The following HIVEP2 variants were observed in gnomAD, a reference collection of about 807,000 sequenced individuals.
HIVEP2 encodes the protein transcription factor HIVEP2.
HIVEP2 carries 14 observed loss-of-function variants against 180.7 expected under a neutral mutation model. That is an observed-to-expected ratio of 0.08 (90% CI 0.05 to 0.12). The LOEUF is 0.12. Among genes scored for constraint, HIVEP2 ranks in the 10% least tolerant of loss-of-function variants. The probability of loss-of-function intolerance (pLI) is 1.00; values close to 1 mark genes in which losing one functional copy is unlikely to be tolerated. For synonymous variants in HIVEP2, 1,184 were observed against 1,136.4 expected (o/e 1.04, Z -0.84); for missense variants, 2,579 against 3,008.5 (o/e 0.86, Z 3.34).
At chr6:142,850,556 T>C (rs1187773148) in intron 1 of HIVEP2, among the ~76,000 whole-genome samples, 3 of 152,198 alleles carry the variant, frequency 2.0e-5, no homozygotes, top group Admixed American at 6.5e-5. Context: ...GTGAAACAGA[T>C]TTAAAATCAA....
In HIVEP2 at chr6:142,774,651, G is replaced by T; in HGVS notation, c.88C>A (p.Gln30Lys). ...GTGCTCATCTTAATAACAGCTGATT[G>T]TTCCTGTCTCCATCTACCTGATGCT... ...DKASGRWRQE[Q>K]SAVIKMSTFG... Residue 30 changes from glutamine to lysine, a missense_variant, in exon 5 of 10, where the codon CAA (glutamine) becomes AAA (lysine). By Grantham distance (53) the Gln-to-Lys change is moderately conservative. Coordinates refer to ENST00000367603, the MANE Select transcript of HIVEP2 (RefSeq NM_006734.4). The surrounding 1 kb of genome is among the most constrained non-coding windows in gnomAD (Gnocchi z 5.1). The T allele has an allele frequency of 6.2e-7, 1 of 1,614,194 alleles. No individual in the cohort carries two copies. Among genetic ancestry groups the T allele is most frequent in the Non-Finnish European group, 8.5e-7 (1 of 1,180,036 alleles).
intron 2 of HIVEP2, among the ~76,000 whole-genome samples, chr6:142,787,471 TA>T (rs1317766784): frequency 6.7e-6 from 1 of 148,634 alleles, no homozygotes; most frequent in Non-Finnish European, 1.5e-5. Context: ...AAGTAGTGAC[TA>T]AAGATGGGAG....
chr6:142,936,242 G>C (rs1444703411), intron 1 of HIVEP2, among the ~76,000 whole-genome samples: 1 of 151,622 alleles, frequency 6.6e-6, no homozygotes, highest in Non-Finnish European at 1.5e-5. Flanking sequence ...AGACAGGCTG[G>C]AGTGCGGTGG....
Position 142,830,861 on chromosome 6 carries a change from C to A in HIVEP2, c.-528+6074G>T, listed in dbSNP as rs577571740. ...ACCCACCCCCAGAATGCATGCACAT[C>A]CACACAAGCTCACCCTAGACCCAAT... On this transcript the variant is annotated intron_variant, in intron 2 of 9. Transcript: ENST00000367603. Among the ~76,000 whole-genome samples, 10 of 152,110 alleles carry A rather than the reference C, an allele frequency of 6.6e-5. 1 individual carries two copies. The highest frequency in any genetic ancestry group is 1.3e-4 in the Non-Finnish European group (9 of 68,008).
intron 1 of HIVEP2, among the ~76,000 whole-genome samples, chr6:142,849,381 T>C (rs1775591796): frequency 6.6e-6 from 1 of 152,164 alleles, no homozygotes; most frequent in Non-Finnish European, 1.5e-5. Flanking sequence ...TGAGGTGCCT[T>C]AGAAACAACT....
chr6:142,857,066 T>C (rs1288836052), intron 1 of HIVEP2, among the ~76,000 whole-genome samples: 1 of 152,168 alleles, frequency 6.6e-6, no homozygotes, highest in Non-Finnish European at 1.5e-5. Context: ...GATAGTGCAT[T>C]TGTGAGACTC....
At position 142,921,596 on chromosome 6, in the gene HIVEP2, T is replaced by A. The variant is rs139659846; in HGVS notation, c.-641+23503A>T. 2.6e-4 allele frequency among the ~76,000 whole-genome samples: 39 copies of A among 152,374 alleles called. No individual in the cohort carries two copies. In the East Asian group the frequency reaches 5.6e-3, roughly 22 times the overall value. On this transcript the variant is annotated intron_variant, in intron 1 of 9. Transcript: ENST00000367603. ...AAAGTGTCTGATGTTCAGTTTTTTT[T>A]AATTATCATTATGAACTAAAAATCC... is the stretch of plus-strand genomic sequence containing the variant.
chr6:142,848,600 G>A (rs1775573470), intron 1 of HIVEP2, among the ~76,000 whole-genome samples: 1 of 152,080 alleles, frequency 6.6e-6, no homozygotes, highest in Non-Finnish European at 1.5e-5. Context: ...TGGTGCACCT[G>A]CAGTCCCAGA....
chr6:142,762,973 T>A (rs74489469), intron 7 of HIVEP2, among the ~76,000 whole-genome samples: 1 of 152,128 alleles, frequency 6.6e-6, no homozygotes, highest in Non-Finnish European at 1.5e-5. Flanking sequence ...ATTAATGAAA[T>A]GTATCTACAA....
intron 2 of HIVEP2, among the ~76,000 whole-genome samples, chr6:142,796,368 C>G (rs1776278913): frequency 6.6e-6 from 1 of 152,146 alleles, no homozygotes; most frequent in African/African-American, 2.4e-5. Flanking sequence ...TAATAAACTA[C>G]TGTTGAACAG....
intron 1 of HIVEP2, among the ~76,000 whole-genome samples, chr6:142,933,004 T>A (rs1777976738): frequency 6.6e-6 from 1 of 152,182 alleles, no homozygotes; most frequent in Non-Finnish European, 1.5e-5. Context: ...AAATAAGGCA[T>A]CATTGCAGTA....
intron 2 of HIVEP2, among the ~76,000 whole-genome samples, chr6:142,797,869 G>A (rs1172269556): frequency 6.6e-6 from 1 of 151,798 alleles, no homozygotes; most frequent in Non-Finnish European, 1.5e-5. Context: ...TTCAATTGGG[G>A]GTCTTGGAAT....
intron 3 of HIVEP2, among the ~76,000 whole-genome samples, chr6:142,779,914 A>G (rs914920399): frequency 2.0e-5 from 3 of 152,250 alleles, no homozygotes; most frequent in Non-Finnish European, 4.4e-5. Context: ...AAAGTGACTT[A>G]CACAAAATTC....
intron 2 of HIVEP2, among the ~76,000 whole-genome samples, chr6:142,825,304 AC>A: frequency 6.6e-6 from 1 of 152,056 alleles, no homozygotes; most frequent in African/African-American, 2.4e-5. Flanking sequence ...ACACACACAC[AC>A]ACACACACAT....
intron 2 of HIVEP2, among the ~76,000 whole-genome samples, chr6:142,785,139 T>G (rs1775955393): frequency 6.6e-6 from 1 of 151,928 alleles, no homozygotes; most frequent in African/African-American, 2.4e-5. Context: ...TCCACCTGCC[T>G]TGGCCTCCCA....
chr6:142,852,781 A>C (rs1385380109), intron 1 of HIVEP2, among the ~76,000 whole-genome samples: 1 of 147,134 alleles, frequency 6.8e-6, no homozygotes, highest in Non-Finnish European at 1.5e-5. Context: ...GTGCAGTTTG[A>C]CAAATTTAGA....
Position 142,771,189 on chromosome 6 carries a change from G to C in HIVEP2, c.3550C>G (p.Pro1184Ala), listed in dbSNP as rs371486406. 2 of 1,614,124 alleles carry C rather than the reference G, an allele frequency of 1.2e-6. No homozygotes were observed. The highest frequency in any genetic ancestry group is 1.3e-5 in the African/African-American group (1 of 74,944). Residue 1184 changes from proline to alanine, a missense_variant, in exon 5 of 10, where the codon CCT (proline) becomes GCT (alanine). Coordinates refer to ENST00000367603, the MANE Select transcript of HIVEP2 (RefSeq NM_006734.4). This position sits in a 1 kb window ranked among gnomAD's most constrained non-coding sequence, Gnocchi z 5.4. ...TGTGGAAATAAGTGTGGCTGTTCAG[G>C]TAAGTGCTTGCTTGTCATATAGGAT... ...PTSYMTSKHL[P>A]EQPHLFPHQE... is the part of the protein sequence containing the mutation.
chr6:142,765,642 A>G (rs957919219), intron 6 of HIVEP2, among the ~76,000 whole-genome samples: 1 of 152,220 alleles, frequency 6.6e-6, no homozygotes, highest in Admixed American at 6.5e-5. Flanking sequence ...GTAGTTACAT[A>G]ATGAAAACTA....
chr6:142,774,371 G>A lies in HIVEP2; in HGVS notation c.368C>T (p.Pro123Leu), dbSNP rs368327248. ...TGGCAAAGGGCCAGGGAAAAGCCAC[G>A]GAGGACCTTCGAGGCTCTGATGTGG... ...TKPHQSLEGP[P>L]WLFPGPLPSV... The change falls in exon 5 of 10, where the codon CCG becomes CTG. Residue 123 changes from proline to leucine, a missense_variant. This residue lies in a region of HIVEP2 where 207 missense variants were observed against 210.1 expected (regional missense o/e 0.99). Coordinates refer to ENST00000367603, the MANE Select transcript of HIVEP2 (RefSeq NM_006734.4). The surrounding 1 kb of genome is among the most constrained non-coding windows in gnomAD (Gnocchi z 5.1). 151 of 1,614,192 alleles carry A rather than the reference G, an allele frequency of 9.4e-5. No individual in the cohort carries two copies. Among genetic ancestry groups the A allele is most frequent in the Non-Finnish European group, 1.0e-4 (119 of 1,180,036 alleles).
Sources: allele counts gnomAD v4.1 joint callset (sites outside exome capture counted in the v4.1 genomes callset), GRCh38; gene constraint gnomAD v4.1.1; regional missense constraint gnomAD v4.1.1; non-coding constraint Gnocchi (gnomAD v3.1); transcripts MANE v1.5; gene names NCBI Gene and HGNC (gene_info 2026-07-23, HGNC 2026-07-21).